The following ITPR1 variants were observed in gnomAD, a reference collection of about 807,000 sequenced individuals.
ITPR1 encodes the protein inositol 1,4,5-trisphosphate receptor type 1.
A neutral mutation model predicts 318.4 loss-of-function variants in ITPR1; 96 were observed. The ratio of observed to expected loss-of-function variants is 0.30; its 90% CI spans 0.26 to 0.36. The LOEUF is 0.36. Ranked by LOEUF, ITPR1 falls within the 10% of genes least tolerant of loss-of-function variation. The pLI is 1.00. For synonymous variants in ITPR1, 1,312 were observed against 1,289.9 expected (o/e 1.02, Z -0.37); for missense variants, 2,440 against 3,460.2 (o/e 0.71, Z 7.40).
chr3:4,783,720 A>T (rs2046984548), intron 50 of ITPR1, 96 bp from the exon 51 acceptor site: 1 of 989,086 alleles, frequency 1.0e-6, no homozygotes, highest in East Asian at 2.6e-5. Flanking sequence ...GCTGCTGGTT[A>T]TTATGCATTT....
intron 42 of ITPR1, among the ~76,000 whole-genome samples, chr3:4,732,482 T>C (rs904194739): frequency 3.9e-5 from 1 of 25,650 alleles, no homozygotes; most frequent in African/African-American, 4.5e-5. Context: ...TTTACCTATG[T>C]TGGGTTTTTT....
intron 52 of ITPR1, among the ~76,000 whole-genome samples, chr3:4,788,499 C>A (rs1043542036): frequency 6.6e-6 from 1 of 152,214 alleles, no homozygotes; most frequent in Non-Finnish European, 1.5e-5. Flanking sequence ...AGGAAATTCA[C>A]ACTGCTTGCT....
chr3:4,816,312 ATTTGAG>A (rs1162195900), intron 59 of ITPR1: 1 of 152,172 alleles, frequency 6.6e-6, no homozygotes, highest in African/African-American at 2.4e-5. Context: ...ATGTCCCTTG[ATTTGAG>A]TTTGTCTGAT....
chr3:4,621,391 C>T (rs563770835), intron 4 of ITPR1, among the ~76,000 whole-genome samples: 1 of 152,260 alleles, frequency 6.6e-6, no homozygotes, highest in South Asian at 2.1e-4. Context: ...CACTCAGTAT[C>T]ATGAGCACAG....
chr3:4,819,985 C>T (rs1046685864), intron 60 of ITPR1, among the ~76,000 whole-genome samples: 1 of 152,184 alleles, frequency 6.6e-6, no homozygotes, highest in Non-Finnish European at 1.5e-5. Flanking sequence ...AGAAATCGCA[C>T]TCCATAATCA....
intron 35 of ITPR1, among the ~76,000 whole-genome samples, chr3:4,700,200 C>G (rs1169247733): frequency 6.6e-6 from 1 of 152,126 alleles, no homozygotes; most frequent in Non-Finnish European, 1.5e-5. Context: ...TCCTCCAGTC[C>G]TCTGCTTCCC....
chr3:4,735,702 T>C (rs1254555635), intron 44 of ITPR1: 2 of 219,434 alleles, frequency 9.1e-6, no homozygotes, highest in Non-Finnish European at 1.7e-5. Flanking sequence ...TCCAAGATTG[T>C]AGGGGATCTC....
In ITPR1 at chr3:4,673,253, G is replaced by A; in HGVS notation, c.2322G>A (p.Leu774=). The change falls in exon 21 of 62, where the codon CTG becomes CTA. Residue 774 remains leucine (L), a synonymous_variant. Coordinates refer to ENST00000649015, the MANE Select transcript of ITPR1 (RefSeq NM_001378452.1). ...TCCGCTGCATGTCTGACGAGAACCTGCCCTATGACCTCAGGGCGTCCTTCT... is the reference window on the plus strand; with the variant it reads ...TCCGCTGCATGTCTGACGAGAACCTACCCTATGACCTCAGGGCGTCCTTCT... The part of the protein sequence containing the change: ...LILRCMSDEN[L]PYDLRASFCR... 6.2e-7 allele frequency: 1 copy of A among 1,613,952 alleles called. No homozygotes were observed. The highest frequency in any genetic ancestry group is 8.5e-7 in the Non-Finnish European group (1 of 1,179,878).
intron 47 of ITPR1, 28 bp downstream of exon 47, chr3:4,775,470 G>GA: frequency 6.5e-7 from 1 of 1,531,310 alleles, no homozygotes; most frequent in Non-Finnish European, 9.0e-7. Flanking sequence ...TTGGGATGGG[G>GA]AAAAAAAGTG....
intron 25 of ITPR1, 58 bp from the exon 26 acceptor site, chr3:4,681,306 A>C (rs2125228752): frequency 4.1e-6 from 5 of 1,206,478 alleles, no homozygotes; most frequent in Non-Finnish European, 6.2e-6. Flanking sequence ...GGATGAGTTC[A>C]CCAGCAGCAT....
chr3:4,776,790 A>G (rs1223755007), intron 47 of ITPR1, among the ~76,000 whole-genome samples: 2 of 152,192 alleles, frequency 1.3e-5, no homozygotes, highest in Non-Finnish European at 2.9e-5. Context: ...TGTGCTGCAA[A>G]CGGAGATGTT....
At chr3:4,719,793 A>C (rs9859826) in intron 40 of ITPR1, among the ~76,000 whole-genome samples, 112,617 of 152,058 alleles carry the variant, frequency 0.74, 42,668 homozygotes, top group East Asian at 0.89. Context: ...TCCCCGCTGC[A>C]TTCTAGAATA....
At chr3:4,757,640 C>G (rs1436519324) in intron 44 of ITPR1, among the ~76,000 whole-genome samples, 1 of 152,154 alleles carries the variant, frequency 6.6e-6, no homozygotes, top group Non-Finnish European at 1.5e-5. Context: ...CAGCGGGTTA[C>G]TTCTTGGGGC....
intron 44 of ITPR1, among the ~76,000 whole-genome samples, chr3:4,763,301 A>G (rs1166464202): frequency 2.0e-5 from 3 of 152,166 alleles, no homozygotes; most frequent in Non-Finnish European, 4.4e-5. Context: ...GCAAACCACC[A>G]TATATTTACC....
chr3:4,499,332 A>G (rs574997114), intron 2 of ITPR1, among the ~76,000 whole-genome samples: 59 of 152,182 alleles, frequency 3.9e-4, no homozygotes, highest in Non-Finnish European at 7.6e-4. Context: ...ATAAAAAGGG[A>G]CTAACACAGT....
At position 4,723,276 on chromosome 3, in the gene ITPR1, G is replaced by A. The variant is rs528830196; in HGVS notation, c.5137-2270G>A. On this transcript the variant is annotated intron_variant, in intron 40 of 61. Coordinates refer to ENST00000649015, the MANE Select transcript of ITPR1 (RefSeq NM_001378452.1). ...AGAGAGCCAGAGCTAAACCCTGGAT[G>A]AGCCATAGTCACAGGATGCTCATGC... is the stretch of plus-strand genomic sequence containing the variant. Among the ~76,000 whole-genome samples the A allele has an allele frequency of 2.6e-5, 4 of 152,322 alleles. No homozygotes were observed. The East Asian group carries it at 5.8e-4, about 22-fold the overall frequency.
intron 5 of ITPR1, among the ~76,000 whole-genome samples, chr3:4,629,948 C>T (rs898141283): frequency 1.3e-5 from 2 of 152,082 alleles, no homozygotes; most frequent in Non-Finnish European, 2.9e-5. Context: ...GGAATTGCAT[C>T]GTTATTTGAA....
chr3:4,779,785 C>A lies in ITPR1; in HGVS notation c.6387+140C>A. Reference sequence around the variant, plus strand: ...TAAAGGGAACATTGAATTCAGGCCTCTGACTGAGTAGAGAAGTGAAATATT... The same window carrying A: ...TAAAGGGAACATTGAATTCAGGCCTATGACTGAGTAGAGAAGTGAAATATT... On this transcript the variant is annotated intron_variant, in intron 49 of 61. Coordinates refer to ENST00000649015, the MANE Select transcript of ITPR1 (RefSeq NM_001378452.1). The surrounding 1 kb of genome is among the most constrained non-coding windows in gnomAD (Gnocchi z 4.0). 1.9e-6 allele frequency: 1 copy of A among 533,096 alleles called. No homozygotes were observed. The highest frequency in any genetic ancestry group is 2.8e-5 in the South Asian group (1 of 35,544). The allele number at this position is 533,096 out of a possible 1,614,324, so 33.0% of individuals were successfully genotyped here.
At chr3:4,806,036 T>C in intron 54 of ITPR1, 67 bp from the exon 55 acceptor site, 1 of 1,327,688 alleles carries the variant, frequency 7.5e-7, no homozygotes, top group Non-Finnish European at 1.0e-6. Flanking sequence ...TGTGAGATGC[T>C]CTCGTTGCTC....
Sources: allele counts gnomAD v4.1 joint callset (sites outside exome capture counted in the v4.1 genomes callset), GRCh38; gene constraint gnomAD v4.1.1; non-coding constraint Gnocchi (gnomAD v3.1); transcripts MANE v1.5; gene names NCBI Gene and HGNC (gene_info 2026-07-23, HGNC 2026-07-21).